Variants in ATXN7L1 observed in about 807,000 individuals in gnomAD.
ATXN7L1 encodes the protein ataxin 7 like 1, also known as ataxin-7-like protein 1.
In ATXN7L1, 15 loss-of-function variants were observed where a neutral mutation model predicts 70.8. The ratio of observed to expected loss-of-function variants is 0.21; its 90% CI spans 0.14 to 0.33. The LOEUF (loss-of-function observed/expected upper bound fraction) is 0.33, where lower values mean the gene tolerates loss of function less well. ATXN7L1 is among the 10% of genes least tolerant of loss of function. The pLI, the probability that ATXN7L1 is intolerant of heterozygous loss-of-function variation, is 1.00. For missense variants in ATXN7L1, 975 were observed against 1,097.1 expected (o/e 0.89, Z 1.57); for synonymous variants, 440 against 445.1 (o/e 0.99, Z 0.14).
At chr7:105,721,569 C>A (rs1054648865) in intron 3 of ATXN7L1, among the ~76,000 whole-genome samples, 2 of 152,220 alleles carry the variant, frequency 1.3e-5, no homozygotes, top group Non-Finnish European at 2.9e-5. Flanking sequence ...GAAGTAGTCT[C>A]CTCCCAGGGC....
chr7:105,834,044 A>ATTAT (rs1812019721), intron 2 of ATXN7L1, among the ~76,000 whole-genome samples: 1 of 151,970 alleles, frequency 6.6e-6, no homozygotes, highest in Non-Finnish European at 1.5e-5. Context: ...TGTTTTGTTT[A>ATTAT]TTATTTATTT....
intron 4 of ATXN7L1, among the ~76,000 whole-genome samples, chr7:105,661,255 A>T (rs1801558796): frequency 6.6e-6 from 1 of 152,170 alleles, no homozygotes; most frequent in Non-Finnish European, 1.5e-5. Context: ...ACAGTATTAC[A>T]ATAGGTGCTC....
rs1355075765 is a variant in ATXN7L1 at position 105,688,442 on chromosome 7, G to C, written c.356-23154C>G. On this transcript the variant is annotated intron_variant, in intron 3 of 11. Transcript: ENST00000419735. ...CCTGTAGCCCCAGCTACTTGGGAGG[G>C]TGAGGTGGGAGGATCACCTGGGTCC... Among the ~76,000 whole-genome samples the C allele has an allele frequency of 2.0e-5, 3 of 152,092 alleles. No homozygotes were observed. In the East Asian group the frequency reaches 5.8e-4, roughly 29 times the overall value.
chr7:105,660,585 T>TC (rs967586019), intron 4 of ATXN7L1, among the ~76,000 whole-genome samples: 19 of 138,104 alleles, frequency 1.4e-4, no homozygotes, highest in African/African-American at 5.3e-4. Flanking sequence ...CCTTTTTTTT[T>TC]TTTTTTTTTT....
In ATXN7L1 at chr7:105,802,284, T is replaced by C. The variant is rs79294402; in HGVS notation, c.251-13576A>G. 8.9e-4 allele frequency among the ~76,000 whole-genome samples: 135 copies of C among 152,100 alleles called. 1 individual carries two copies. The East Asian group carries it at 0.025, about 28-fold the overall frequency. ...TACCTCAGTAAACCGATCTATAATA[T>C]GTGGACGGCGCAGAGGTCCGACAAT... On this transcript the variant is annotated intron_variant, in intron 2 of 11. Transcript: ENST00000419735.
intron 2 of ATXN7L1, among the ~76,000 whole-genome samples, chr7:105,825,755 A>G (rs1445573973): frequency 6.6e-6 from 1 of 152,184 alleles, no homozygotes; most frequent in East Asian, 1.9e-4. Context: ...TCTGTTCCTC[A>G]TCATTTGAAA....
rs897276419 is a variant in ATXN7L1 at position 105,604,921 on chromosome 7, A to G, written c.*2931T>C. 2 of 152,088 alleles carry G rather than the reference A, an allele frequency of 1.3e-5. No homozygotes were observed. The highest frequency in any genetic ancestry group is 4.8e-5 in the African/African-American group (2 of 41,418). 9.4% of individuals were successfully genotyped at this position (152,088 alleles called of 1,614,324 possible). A position where few individuals can be genotyped will look rare whatever the true frequency, so the allele number is the denominator to read the frequency against. ...TCTTTTTTTCCTTTTTTAAAACAAG[A>G]GTTCACTGAGAATCAGCAATAATAG... On this transcript the variant is annotated 3_prime_UTR_variant, in exon 12 of 12. Transcript: ENST00000419735.
In ATXN7L1 at chr7:105,613,888, G is replaced by A. The variant is rs1422557056; in HGVS notation, c.2446C>T (p.Pro816Ser). Residue 816 changes from proline to serine, a missense_variant, in exon 10 of 12, where the codon CCC (proline) becomes TCC (serine). This residue lies in a region of ATXN7L1 where 635 missense variants were observed against 699.4 expected (regional missense o/e 0.91). Coordinates refer to ENST00000419735, the MANE Select transcript of ATXN7L1 (RefSeq NM_020725.2). ...TGCCGAGAGGAGGTGCTGTTAACGG[G>A]ATCGGGCACCGGTGCGAGAAGGCTG... ...PPSLLAPVPDPVNSTSSRQVG... is the reference protein window; with the variant it reads ...PPSLLAPVPDSVNSTSSRQVG... 7 of 1,551,918 alleles carry A rather than the reference G, an allele frequency of 4.5e-6. No individual in the cohort carries two copies. The highest frequency in any genetic ancestry group is 1.2e-5 in the South Asian group (1 of 84,066).
chr7:105,813,909 T>A (rs1010958479), intron 2 of ATXN7L1, among the ~76,000 whole-genome samples: 3 of 152,206 alleles, frequency 2.0e-5, no homozygotes, highest in Non-Finnish European at 4.4e-5. Flanking sequence ...TCTCCATGTA[T>A]CCTGGATTCC....
chr7:105,761,028 G>C, intron 3 of ATXN7L1: 1 of 416,640 alleles, frequency 2.4e-6, no homozygotes. Context: ...GATGAACTTT[G>C]ATTTTGATTC....
chr7:105,862,112 T>A (rs1188502597), intron 2 of ATXN7L1, among the ~76,000 whole-genome samples: 28 of 152,072 alleles, frequency 1.8e-4, no homozygotes, highest in Admixed American at 1.6e-3. Context: ...TGTACATGGG[T>A]TGGCCAAATG....
intron 2 of ATXN7L1, among the ~76,000 whole-genome samples, chr7:105,802,706 G>C (rs1585041515): frequency 6.6e-6 from 1 of 152,168 alleles, no homozygotes; most frequent in Non-Finnish European, 1.5e-5. Flanking sequence ...AACACCACCA[G>C]CCCAGCCACA....
In ATXN7L1 at chr7:105,736,870, A is replaced by G. The variant is rs183593398; in HGVS notation, c.355+51734T>C. Among the ~76,000 whole-genome samples the G allele has an allele frequency of 2.0e-5, 3 of 152,366 alleles. No homozygotes were observed. In the East Asian group the frequency reaches 5.8e-4, roughly 29 times the overall value. ...CTTCTCCATCTTTCTCTGTTAAGAT[A>G]ACCTTTTTTTCTCAAAGCTTTTGAG... On this transcript the variant is annotated intron_variant, in intron 3 of 11. Coordinates refer to ENST00000419735, the MANE Select transcript of ATXN7L1 (RefSeq NM_020725.2).
In ATXN7L1 at chr7:105,612,160, C is replaced by T. The variant is rs60903814; in HGVS notation, c.2473-1557G>A. On this transcript the variant is annotated intron_variant, in intron 10 of 11. Coordinates refer to ENST00000419735, the MANE Select transcript of ATXN7L1 (RefSeq NM_020725.2). Reference sequence around the variant, plus strand: ...TGTTAATGGCATGGAGGCTAAGAGGCCAGACTCCAGAGCCAAAATGCCTGG... The same window carrying T: ...TGTTAATGGCATGGAGGCTAAGAGGTCAGACTCCAGAGCCAAAATGCCTGG... 6.3e-3 allele frequency among the ~76,000 whole-genome samples: 965 copies of T among 152,330 alleles called. 7 individuals are homozygous for T. The highest frequency in any genetic ancestry group is 0.022 in the African/African-American group (911 of 41,570).
chr7:105,767,743 G>A (rs1801469723), intron 3 of ATXN7L1, among the ~76,000 whole-genome samples: 1 of 152,214 alleles, frequency 6.6e-6, no homozygotes, highest in African/African-American at 2.4e-5. Context: ...GTCAAGCCCA[G>A]ATAGCTTGGC....
intron 2 of ATXN7L1, among the ~76,000 whole-genome samples, chr7:105,859,748 G>A (rs1323357838): frequency 6.6e-6 from 1 of 151,078 alleles, no homozygotes; most frequent in Non-Finnish European, 1.5e-5. Context: ...CATCATTAAG[G>A]AATGCATGAC....
intron 3 of ATXN7L1, among the ~76,000 whole-genome samples, chr7:105,710,034 G>A (rs1339911159): frequency 6.6e-6 from 1 of 152,040 alleles, no homozygotes; most frequent in East Asian, 1.9e-4. Context: ...CACCACACCT[G>A]GCTAATTTTT....
At chr7:105,664,001 C>T (rs1378382065) in intron 4 of ATXN7L1, among the ~76,000 whole-genome samples, 1 of 152,064 alleles carries the variant, frequency 6.6e-6, no homozygotes, top group Non-Finnish European at 1.5e-5. Context: ...AACTCCTGAC[C>T]TCAAGTGATC....
At chr7:105,863,089 C>T (rs1859814) in intron 2 of ATXN7L1, among the ~76,000 whole-genome samples, 72,250 of 152,104 alleles carry the variant, frequency 0.48, 18,083 homozygotes, top group East Asian at 0.88. Context: ...AAATTACTAA[C>T]AATCCCAATG....
Sources: allele counts gnomAD v4.1 joint callset (sites outside exome capture counted in the v4.1 genomes callset), GRCh38; gene constraint gnomAD v4.1.1; regional missense constraint gnomAD v4.1.1; transcripts MANE v1.5; gene names NCBI Gene and HGNC (gene_info 2026-07-23, HGNC 2026-07-21).